Variants in IMMT observed in about 807,000 individuals in gnomAD.
IMMT encodes the protein inner membrane mitochondrial protein.
Under a neutral mutation model 92.7 loss-of-function variants are expected in IMMT, and 40 were observed. The observed-to-expected ratio is 0.43, with a 90% confidence interval of 0.34 to 0.56. IMMT has a LOEUF of 0.56. Among genes scored for constraint, IMMT ranks in the 20% least tolerant of loss-of-function variants. The probability of loss-of-function intolerance (pLI) is 0.03; values close to 1 mark genes in which losing one functional copy is unlikely to be tolerated. For synonymous variants in IMMT, 322 were observed against 336.1 expected, an observed-to-expected ratio of 0.96 and a Z score of 0.46; for missense variants, 831 against 912.1, an observed-to-expected ratio of 0.91 and a Z score of 1.14.
chr2:86,167,981 A>G (rs1490616613), intron 6 of IMMT, among the ~76,000 whole-genome samples: 2 of 152,216 alleles, frequency 1.3e-5, no homozygotes, highest in African/African-American at 4.8e-5. Context: ...AACAGGGAAA[A>G]AGAGGTGCCC....
At chr2:86,174,015 A>G (rs968669470) in intron 3 of IMMT, among the ~76,000 whole-genome samples, 1 of 152,240 alleles carries the variant, frequency 6.6e-6, no homozygotes, top group African/African-American at 2.4e-5. Context: ...GTGACCAATA[A>G]AGTCCATGAC....
intron 11 of IMMT, among the ~76,000 whole-genome samples, chr2:86,153,304 T>TACACACACACACACACACACACAC (rs10572745): frequency 7.0e-6 from 1 of 143,840 alleles, no homozygotes; most frequent in African/African-American, 2.7e-5. Flanking sequence ...CAATCCATAT[T>TACACACACACACACACACACACAC]ACACACACAC....
Position 86,147,703 on chromosome 2 carries a change from T to A in IMMT, c.1532A>T (p.Gln511Leu). The A allele has an allele frequency of 6.2e-7, 1 of 1,612,868 alleles. No individual in the cohort carries two copies. Among genetic ancestry groups the A allele is most frequent in the African/African-American group, 1.3e-5 (1 of 75,008 alleles). ...GCTGAAGGGAGTCCAGGTCCTCACC[T>A]GCTCAAATTCAGACTTCAATTCCTG... The part of the protein sequence containing the change: ...QEQELKSEFE[Q>L]NLSEKLSEQE... The change falls in exon 13 of 15, where the codon CAG (glutamine) becomes CTG (leucine). Residue 511 changes from glutamine to leucine, a missense_variant and splice_region_variant. Physicochemically the swap from Gln to Leu is moderately radical, Grantham distance 113 (BLOSUM62 -2). Coordinates refer to ENST00000410111, the MANE Select transcript of IMMT (RefSeq NM_006839.3).
At chr2:86,161,512 C>CA (rs1676271200) in intron 8 of IMMT, among the ~76,000 whole-genome samples, 3 of 108,456 alleles carry the variant, frequency 2.8e-5, no homozygotes, top group Non-Finnish European at 5.7e-5. Context: ...GTACAAATTC[C>CA]TTTTTTTTTT....
At chr2:86,151,747 T>C (rs564293381) in intron 11 of IMMT, among the ~76,000 whole-genome samples, 5 of 152,184 alleles carry the variant, frequency 3.3e-5, no homozygotes, top group Non-Finnish European at 7.3e-5. Context: ...TAATCAGTTG[T>C]TTTCCAGGAA....
chr2:86,159,942 T>C (rs1432225665), intron 8 of IMMT: 4 of 231,928 alleles, frequency 1.7e-5, no homozygotes, highest in Non-Finnish European at 2.5e-5. Flanking sequence ...AATTGCTTTT[T>C]TTTTTCTTTT....
intron 5 of IMMT, 57 bp from the exon 6 acceptor site, chr2:86,170,901 A>G: frequency 7.8e-7 from 1 of 1,286,710 alleles, no homozygotes; most frequent in Non-Finnish European, 1.1e-6. Context: ...TTTAATAGCT[A>G]ACAGGGATAT....
intron 1 of IMMT, among the ~76,000 whole-genome samples, chr2:86,186,494 G>T (rs545097067): frequency 6.6e-6 from 1 of 152,180 alleles, no homozygotes; most frequent in Non-Finnish European, 1.5e-5. Flanking sequence ...TAACTCCTGA[G>T]ACTAAGACAT....
At chr2:86,162,164 G>A in intron 7 of IMMT, 85 bp from the exon 8 acceptor site, 1 of 782,654 alleles carries the variant, frequency 1.3e-6, no homozygotes, top group Non-Finnish European at 2.0e-6. Context: ...AGAAACATGT[G>A]ACATTAAATT....
chr2:86,180,880 C>G (rs1672393169), intron 2 of IMMT, among the ~76,000 whole-genome samples: 1 of 151,618 alleles, frequency 6.6e-6, no homozygotes, highest in South Asian at 2.1e-4. Flanking sequence ...GAGCGAGACT[C>G]TGTCTTTAAA....
chr2:86,195,128 C>G, intron 1 of IMMT: 2 of 501,712 alleles, frequency 4.0e-6, no homozygotes, highest in Admixed American at 3.8e-5. Context: ...ACTCTCCACA[C>G]CCCACCCCGC....
At chr2:86,161,856 A>C (rs2104953892) in intron 8 of IMMT, 120 bp downstream of exon 8, 1 of 688,232 alleles carries the variant, frequency 1.5e-6, no homozygotes, top group Non-Finnish European at 2.6e-6. Context: ...CACAGGTGGA[A>C]AAGTGAGAGA....
At chr2:86,181,602 A>T (rs1283524382) in intron 1 of IMMT, among the ~76,000 whole-genome samples, 15 of 152,200 alleles carry the variant, frequency 9.9e-5, no homozygotes, top group Admixed American at 7.2e-4. Context: ...AAAAAAAATT[A>T]TCAGACTATG....
At position 86,181,239 on chromosome 2, in the gene IMMT, C is replaced by T. The variant is rs936777537; in HGVS notation, c.119+60G>A. The T allele has an allele frequency of 7.8e-6, 10 of 1,287,468 alleles. No individual in the cohort carries two copies. In the African/African-American group the frequency reaches 8.8e-5, roughly 11 times the overall value. The allele number at this position is 1,287,468 out of a possible 1,614,324, so 79.8% of individuals were successfully genotyped here. A position where few individuals can be genotyped will look rare whatever the true frequency, so the allele number is the denominator to read the frequency against. The stretch of plus-strand genomic sequence containing the variant: ...CAGCTATTCCCATATTCAAGGAAAA[C>T]ACACACTCCCTAAGCAGCACACAGT... On this transcript the variant is annotated intron_variant, in intron 2 of 14. Coordinates refer to ENST00000410111, the MANE Select transcript of IMMT (RefSeq NM_006839.3).
chr2:86,181,433 T>C (rs1672429602), intron 1 of IMMT, 61 bp from the exon 2 acceptor site: 3 of 1,135,376 alleles, frequency 2.6e-6, no homozygotes, highest in East Asian at 2.4e-5. Context: ...GCTTTTAGGG[T>C]TGGTAATACA....
chr2:86,150,607 AT>A (rs1675395036), intron 12 of IMMT, among the ~76,000 whole-genome samples: 1 of 152,174 alleles, frequency 6.6e-6, no homozygotes. Context: ...TAAAGAAGCT[AT>A]TTCACCTGTT....
In IMMT at chr2:86,144,422, T is replaced by C. The variant is rs568826395; in HGVS notation, c.2123A>G (p.Lys708Arg). Reference sequence around the variant, plus strand: ...TTCCCCCTTCAGCTGATTGACAAACTTTGCTGCTAGCTCCAGATCACCATG... The same window carrying C: ...TTCCCCCTTCAGCTGATTGACAAACCTTGCTGCTAGCTCCAGATCACCATG... ...IEHGDLELAA[K>R]FVNQLKGESR... Residue 708 changes from lysine (K) to arginine (R), a missense_variant, in exon 15 of 15, where the codon AAG becomes AGG. By Grantham distance (26) the Lys-to-Arg change is conservative. Transcript: ENST00000410111. The C allele has an allele frequency of 3.7e-5, 59 of 1,613,938 alleles. 2 individuals carry two copies. The South Asian group carries it at 5.9e-4, about 16-fold the overall frequency.
intron 12 of IMMT, 53 bp from the exon 13 acceptor site, chr2:86,147,886 T>C: frequency 6.4e-7 from 1 of 1,573,538 alleles, no homozygotes; most frequent in Non-Finnish European, 8.6e-7. Context: ...CATATACTTT[T>C]AGGAAAACAG....
chr2:86,157,676 T>C (rs1675941727), intron 10 of IMMT, among the ~76,000 whole-genome samples: 1 of 151,302 alleles, frequency 6.6e-6, no homozygotes, highest in South Asian at 2.1e-4. Context: ...TAATCCCAGC[T>C]ACTCAGTAGG....
Sources: allele counts gnomAD v4.1 joint callset (sites outside exome capture counted in the v4.1 genomes callset), GRCh38; gene constraint gnomAD v4.1.1; transcripts MANE v1.5; gene names NCBI Gene and HGNC (gene_info 2026-07-23, HGNC 2026-07-21).